GTF2H2: variants seen among roughly 807,000 people sequenced by gnomAD.
GTF2H2 encodes the protein general transcription factor IIH subunit 2.
A neutral mutation model predicts 16.5 loss-of-function variants in GTF2H2; 2 were observed. The observed-to-expected ratio is 0.12, with a 90% CI of 0.05 to 0.38. The LOEUF is 0.38. GTF2H2 is among the 10% of genes least tolerant of loss of function. The probability of loss-of-function intolerance (pLI) is 0.99; values close to 1 mark genes in which losing one functional copy is unlikely to be tolerated. For missense variants in GTF2H2, 20 were observed against 137.0 expected (o/e 0.15, Z 4.26); for synonymous variants, 8 against 44.1 (o/e 0.18, Z 3.24).
chr5:71,056,949 CCTT>C (rs908850702), intron 7 of GTF2H2, among the ~76,000 whole-genome samples: 1 of 103,054 alleles, frequency 9.7e-6, no homozygotes, highest in African/African-American at 4.0e-5. Flanking sequence ...TAGGACTTTT[CCTT>C]CTTAATGGCT....
Position 71,054,718 on chromosome 5 carries a change from T to C in GTF2H2, c.470+634A>G, listed in dbSNP as rs968197527. Reference sequence around the variant, plus strand: ...GAAAAAAAATATATATATACGTGTGTGTGTGTGTGTGTGTGTGTGTGTGTG... The same window carrying C: ...GAAAAAAAATATATATATACGTGTGCGTGTGTGTGTGTGTGTGTGTGTGTG... On this transcript the variant is annotated intron_variant, in intron 8 of 15. Coordinates refer to ENST00000274400, the Ensembl canonical transcript of GTF2H2. 1.7e-4 allele frequency among the ~76,000 whole-genome samples: 22 copies of C among 127,566 alleles called. 1 individual carries two copies. The highest frequency in any genetic ancestry group is 1.6e-4 in the Non-Finnish European group (10 of 62,010). The allele number at this position is 127,566 out of a possible 152,430, so 83.7% of individuals were successfully genotyped here.
In GTF2H2 at chr5:71,036,511, A is replaced by C. The variant is rs1253450580; in HGVS notation, c.1069-715T>G. Among the ~76,000 whole-genome samples the C allele has an allele frequency of 1.5e-4, 13 of 89,442 alleles. 5 individuals are homozygous for C. The highest frequency in any genetic ancestry group is 3.1e-4 in the Non-Finnish European group (13 of 41,618). The allele number at this position is 89,442 out of a possible 152,430, so 58.7% of individuals were successfully genotyped here. A position where few individuals can be genotyped will look rare whatever the true frequency, so the allele number is the denominator to read the frequency against. The stretch of plus-strand genomic sequence containing the variant: ...AGTGACTCACACCTGTAATCCCAGC[A>C]CTTTGGGAGGCCAAGGCGGGTGGAT... On this transcript the variant is annotated intron_variant, in intron 15 of 15. Coordinates refer to ENST00000274400, the Ensembl canonical transcript of GTF2H2.
chr5:71,039,560 C>CT (rs1276194771), intron 14 of GTF2H2, among the ~76,000 whole-genome samples: 15 of 145,966 alleles, frequency 1.0e-4, no homozygotes, highest in African/African-American at 3.9e-4. Context: ...TACTTTTTTT[C>CT]TTTTTTTCTC....
intron 8 of GTF2H2, among the ~76,000 whole-genome samples, chr5:71,054,288 ATTG>A (rs1412333369): frequency 4.1e-5 from 6 of 145,888 alleles, no homozygotes; most frequent in African/African-American, 1.3e-4. Context: ...TTATATTTTC[ATTG>A]TTATCTTCTC....
At chr5:71,061,349 C>G in intron 3 of GTF2H2, 41 bp from the exon 4 acceptor site, 1 of 1,426,520 alleles carries the variant, frequency 7.0e-7, no homozygotes, top group Non-Finnish European at 9.7e-7. Flanking sequence ...ATTCCATATA[C>G]TATCCCCCCC....
In GTF2H2 at chr5:71,057,460, A is replaced by G. The variant is rs1439766361; in HGVS notation, c.365-2003T>C. Among the ~76,000 whole-genome samples the G allele has an allele frequency of 5.6e-5, 8 of 141,764 alleles. 1 individual carries two copies. In the East Asian group the frequency reaches 1.6e-3, roughly 28 times the overall value. The allele number at this position is 141,764 out of a possible 152,430, so 93.0% of individuals were successfully genotyped here. On this transcript the variant is annotated intron_variant, in intron 7 of 15. Coordinates refer to ENST00000274400, the Ensembl canonical transcript of GTF2H2. ...TGTGTGAATCATGTCTTCTTTGTCT[A>G]TTCATCAACTTGGAGCTCCCTTGAG... is the stretch of plus-strand genomic sequence containing the variant.
intron 14 of GTF2H2, among the ~76,000 whole-genome samples, chr5:71,037,974 C>CAAAA (rs1164937065): frequency 4.9e-3 from 41 of 8,318 alleles, no homozygotes; most frequent in Middle Eastern, 0.05. Flanking sequence ...CTCTGACTCA[C>CAAAA]AAAAAAAAAA....
chr5:71,046,973 GA>G (rs1192119260), intron 11 of GTF2H2, among the ~76,000 whole-genome samples: 842 of 45,814 alleles, frequency 0.018, 5 homozygotes, highest in African/African-American at 0.077. Context: ...AAAAAAAAAA[GA>G]AAAAAAAAAG....
At chr5:71,051,099 G>A (rs1210002541) in intron 8 of GTF2H2, among the ~76,000 whole-genome samples, 1 of 142,614 alleles carries the variant, frequency 7.0e-6, no homozygotes, top group East Asian at 2.0e-4. Context: ...CACCCGCCTC[G>A]GCCTCCCAAT....
chr5:71,057,290 A>G (rs1753320272), intron 7 of GTF2H2, among the ~76,000 whole-genome samples: 1 of 120,008 alleles, frequency 8.3e-6, no homozygotes, highest in African/African-American at 3.2e-5. Context: ...TATAAATAAC[A>G]GTTTCTCTGT....
chr5:71,039,595 T>C (rs1751954641), intron 14 of GTF2H2, among the ~76,000 whole-genome samples: 1 of 148,518 alleles, frequency 6.7e-6, no homozygotes, highest in Non-Finnish European at 1.5e-5. Context: ...TTGGACCTTC[T>C]GGATAATTCC....
intron 8 of GTF2H2, among the ~76,000 whole-genome samples, chr5:71,052,221 G>A (rs1233460346): frequency 1.4e-5 from 2 of 139,672 alleles, no homozygotes; most frequent in Non-Finnish European, 3.1e-5. Flanking sequence ...GGGCTAAAGT[G>A]CAATGGCGCG....
intron 11 of GTF2H2, among the ~76,000 whole-genome samples, chr5:71,046,973 G>GA (rs1192119260): frequency 4.3e-5 from 2 of 46,092 alleles, no homozygotes; most frequent in African/African-American, 1.0e-4. Flanking sequence ...AAAAAAAAAA[G>GA]AAAAAAAAAA....
intron 8 of GTF2H2, among the ~76,000 whole-genome samples, chr5:71,052,849 T>A (rs1752857265): frequency 1.4e-5 from 1 of 73,006 alleles, no homozygotes; most frequent in Non-Finnish European, 2.6e-5. Flanking sequence ...CTGGGCTCAA[T>A]CCTCCTGCCT....
intron 12 of GTF2H2, among the ~76,000 whole-genome samples, chr5:71,044,167 C>A (rs1297299644): frequency 2.8e-5 from 3 of 106,840 alleles, no homozygotes; most frequent in Non-Finnish European, 5.6e-5. Flanking sequence ...CAATGCCTGT[C>A]ATGTTAAGAG....
chr5:71,053,183 T>TA (rs1752902710), intron 8 of GTF2H2, among the ~76,000 whole-genome samples: 1 of 130,974 alleles, frequency 7.6e-6, no homozygotes, highest in South Asian at 2.3e-4. Flanking sequence ...CCTTCCTCAC[T>TA]AAGCTCAATC....
Position 71,045,921 on chromosome 5 carries a change from A to C in GTF2H2, c.758-414T>G, listed in dbSNP as rs193116223. ...GGCATCCGCCACCATGCCCAGCTATATATTTTCTAACTTAATGATTAACAC... is the reference window on the plus strand; with the variant it reads ...GGCATCCGCCACCATGCCCAGCTATCTATTTTCTAACTTAATGATTAACAC... On this transcript the variant is annotated intron_variant, in intron 11 of 15. Transcript: ENST00000274400. Among the ~76,000 whole-genome samples the C allele has an allele frequency of 1.2e-3, 168 of 142,744 alleles. 13 individuals are homozygous for C. Among genetic ancestry groups the C allele is most frequent in the Middle Eastern group, 3.5e-3 (1 of 286 alleles). 93.6% of individuals were successfully genotyped at this position (142,744 alleles called of 152,430 possible).
chr5:71,052,173 T>G (rs1228677974), intron 8 of GTF2H2, among the ~76,000 whole-genome samples: 2 of 142,880 alleles, frequency 1.4e-5, no homozygotes, highest in Middle Eastern at 3.2e-3. Context: ...TGCACTTTTT[T>G]TTTCTTTATT....
In GTF2H2 at chr5:71,048,874, T is replaced by TA. The variant is rs1319029072; in HGVS notation, c.562-26dup. On this transcript the variant is annotated intron_variant, in intron 9 of 15. Coordinates refer to ENST00000274400, the Ensembl canonical transcript of GTF2H2. ...TCTTCATAAAATCCAAGTAGATAGA[T>TA]AGTTTTAGGAAAGAAGAAAAACATT... The TA allele has an allele frequency of 1.5e-5, 8 of 530,656 alleles. No homozygotes were observed. In the African/African-American group the frequency reaches 2.1e-4, roughly 14 times the overall value. 32.9% of individuals were successfully genotyped at this position (530,656 alleles called of 1,614,324 possible).
Sources: gnomAD v4.1 joint callset for allele counts (sites outside exome capture counted in the v4.1 genomes callset) on GRCh38, gnomAD v4.1.1 for gene constraint, MANE v1.5 for transcripts, NCBI Gene and HGNC (gene_info 2026-07-23, HGNC 2026-07-21) for gene names.